RAD51B: variants seen among roughly 807,000 people sequenced by gnomAD.
RAD51B encodes RAD51 paralog B.
In RAD51B, 38 loss-of-function variants were observed where a neutral mutation model predicts 42.2. The ratio of observed to expected loss-of-function variants is 0.90; its 90% confidence interval spans 0.70 to 1.18. RAD51B has a LOEUF of 1.18. Ranked by LOEUF, RAD51B falls within the 50% of genes most tolerant of loss-of-function variation. The probability of loss-of-function intolerance (pLI) is 0.00; values close to 1 mark genes in which losing one functional copy is unlikely to be tolerated. For synonymous variants in RAD51B, 154 were observed against 145.2 expected (o/e 1.06, Z -0.43); for missense variants, 373 against 400.7 (o/e 0.93, Z 0.59).
At chr14:68,153,676 GT>G (rs1396698556) in intron 7 of RAD51B, among the ~76,000 whole-genome samples, 2 of 151,942 alleles carry the variant, frequency 1.3e-5, no homozygotes, top group African/African-American at 2.4e-5. Flanking sequence ...TAATGGGGTT[GT>G]TTTTTTCTTG....
chr14:68,454,770 G>C (rs1287416180), intron 9 of RAD51B, among the ~76,000 whole-genome samples: 2 of 152,196 alleles, frequency 1.3e-5, no homozygotes, highest in Admixed American at 1.3e-4. Flanking sequence ...AGTGGTAATT[G>C]CTCACCATCA....
rs536306758 is a variant in RAD51B, at chr14:68,124,853, G to A, written c.757-167031G>A. 2.0e-5 allele frequency among the ~76,000 whole-genome samples: 3 copies of A among 151,962 alleles called. No homozygotes were observed. The East Asian group carries it at 5.8e-4, about 29-fold the overall frequency. The stretch of plus-strand genomic sequence containing the variant: ...AATTCCAGCTACTTGGGAGGCTGAG[G>A]CAGGAGAATCACTTGAACCCGGGAG... On this transcript the variant is annotated intron_variant, in intron 7 of 10. Transcript: ENST00000471583.
At chr14:68,598,088 T>C (rs1304878322), downstream of RAD51B, among the ~76,000 whole-genome samples, 5 of 152,142 alleles carry the variant, frequency 3.3e-5, no homozygotes, top group Non-Finnish European at 5.9e-5. Flanking sequence ...CAAGTACAAG[T>C]AGCTTCCCAA....
At chr14:68,562,484 A>T (rs1281406217) in intron 10 of RAD51B, 2 of 984,792 alleles carry the variant, frequency 2.0e-6, no homozygotes, top group African/African-American at 3.5e-5. Context: ...TCAGCCTCTG[A>T]GCGCTCTCTG....
chr14:68,486,121 A>G (rs1452270580), intron 10 of RAD51B, among the ~76,000 whole-genome samples: 1 of 152,238 alleles, frequency 6.6e-6, no homozygotes, highest in African/African-American at 2.4e-5. Context: ...GGAGTGAAGG[A>G]GAGGCTAGTC....
chr14:68,489,259 G>A (rs147355571), intron 10 of RAD51B, among the ~76,000 whole-genome samples: 30 of 152,226 alleles, frequency 2.0e-4, no homozygotes, highest in African/African-American at 6.7e-4. Context: ...ATGCTAGAAA[G>A]GCATCTGTAA....
chr14:67,879,617 A>AT (rs1416086179), intron 5 of RAD51B, among the ~76,000 whole-genome samples: 2 of 152,060 alleles, frequency 1.3e-5, no homozygotes, highest in Admixed American at 6.6e-5. Context: ...CTTTACATGT[A>AT]TTTTTTATGG....
intron 8 of RAD51B, among the ~76,000 whole-genome samples, chr14:68,299,492 A>G (rs2081678807): frequency 6.6e-6 from 1 of 152,218 alleles, no homozygotes. Flanking sequence ...TCTAGAGATT[A>G]TTTAAAGTAT....
At chr14:67,847,995 A>T (rs934829081) in intron 4 of RAD51B, among the ~76,000 whole-genome samples, 1 of 152,158 alleles carries the variant, frequency 6.6e-6, no homozygotes, top group African/African-American at 2.4e-5. Flanking sequence ...TAGGATAGTT[A>T]AATCTTCCTG....
At position 68,273,519 on chromosome 14, in the gene RAD51B, A is replaced by C. The variant is rs569940075; in HGVS notation, c.757-18365A>C. On this transcript the variant is annotated intron_variant, in intron 7 of 10. Transcript: ENST00000471583. ...TATTGGACAGTTGCTTGGTAAGTAC[A>C]GAATTGATGTGAGGGGAGTTAAGTG... Among the ~76,000 whole-genome samples the C allele has an allele frequency of 7.9e-5, 12 of 152,302 alleles. No individual in the cohort carries two copies. In the South Asian group the frequency reaches 2.5e-3, roughly 32 times the overall value.
chr14:67,951,277 C>A (rs747406708), intron 7 of RAD51B, among the ~76,000 whole-genome samples: 16 of 152,038 alleles, frequency 1.1e-4, no homozygotes, highest in Non-Finnish European at 2.4e-4. Flanking sequence ...AATATACTGT[C>A]ACTCATTGGG....
chr14:68,092,799 C>G (rs2077124109), intron 7 of RAD51B, among the ~76,000 whole-genome samples: 1 of 152,092 alleles, frequency 6.6e-6, no homozygotes, highest in South Asian at 2.1e-4. Flanking sequence ...GGAATGCTTC[C>G]AGTTTTTGTC....
chr14:68,214,066 C>T (rs549118244), intron 7 of RAD51B, among the ~76,000 whole-genome samples: 4 of 152,246 alleles, frequency 2.6e-5, no homozygotes, highest in African/African-American at 9.6e-5. Context: ...TTATACCCTT[C>T]CCTAGTTAAA....
intron 10 of RAD51B, chr14:68,563,991 GCCAAAGATCACTTTC>G: frequency 1.1e-6 from 1 of 922,388 alleles, no homozygotes; most frequent in East Asian, 1.2e-4. Flanking sequence ...TTCATTATGT[GCCAAAGATCACTTTC>G]CCAAACCTGT....
chr14:67,850,150 C>T (rs1377572348), intron 4 of RAD51B, among the ~76,000 whole-genome samples: 1 of 152,184 alleles, frequency 6.6e-6, no homozygotes, highest in Non-Finnish European at 1.5e-5. Flanking sequence ...CGTGTGCCAT[C>T]ATGCCTGGCT....
At chr14:67,995,305 T>C (rs1449909114) in intron 7 of RAD51B, among the ~76,000 whole-genome samples, 1 of 151,972 alleles carries the variant, frequency 6.6e-6, no homozygotes, top group Admixed American at 6.6e-5. Context: ...GAGAATTGCT[T>C]GAACCTGGGA....
At chr14:68,455,450 G>A (rs182750997) in intron 9 of RAD51B, among the ~76,000 whole-genome samples, 3 of 152,138 alleles carry the variant, frequency 2.0e-5, no homozygotes, top group African/African-American at 7.2e-5. Flanking sequence ...AGGTGTGGTG[G>A]CTCACACCTG....
Position 68,237,206 on chromosome 14 carries a change from A to C in RAD51B, c.757-54678A>C, listed in dbSNP as rs114781101. 9.2e-3 allele frequency among the ~76,000 whole-genome samples: 1,400 copies of C among 152,314 alleles called. 22 individuals carry two copies. The highest frequency in any genetic ancestry group is 0.032 in the African/African-American group (1,318 of 41,552). ...ACAGAGCACCTGGATTCAAGTGTCTATTCCCTCCTGACTCTGGAAGAATGA... is the reference window on the plus strand; with the variant it reads ...ACAGAGCACCTGGATTCAAGTGTCTCTTCCCTCCTGACTCTGGAAGAATGA... On this transcript the variant is annotated intron_variant, in intron 7 of 10. Transcript: ENST00000471583.
chr14:68,558,584 A>G (rs984382756), intron 10 of RAD51B, among the ~76,000 whole-genome samples: 1 of 151,264 alleles, frequency 6.6e-6, no homozygotes, highest in Non-Finnish European at 1.5e-5. Context: ...TAGCTGCCCC[A>G]CTCCCGTCAC....
Sources: gnomAD v4.1 joint callset for allele counts (sites outside exome capture counted in the v4.1 genomes callset) on GRCh38, gnomAD v4.1.1 for gene constraint, MANE v1.5 for transcripts, NCBI Gene and HGNC (gene_info 2026-07-23, HGNC 2026-07-21) for gene names.